The following TNFRSF9 variants were observed in gnomAD, a reference collection of about 807,000 sequenced individuals.
TNFRSF9 encodes the protein tumor necrosis factor receptor superfamily member 9.
In TNFRSF9, 16 loss-of-function variants were observed where a neutral mutation model predicts 28.8. The ratio of observed to expected loss-of-function variants is 0.55; its 90% CI spans 0.38 to 0.84. The LOEUF (loss-of-function observed/expected upper bound fraction) is 0.84. Among genes scored for constraint, TNFRSF9 ranks in the 40% least tolerant of loss-of-function variants. TNFRSF9 has a pLI of 0.00. For missense variants in TNFRSF9, 303 were observed against 315.0 expected, an observed-to-expected ratio of 0.96 and a Z score of 0.29; for synonymous variants, 131 against 117.0, an observed-to-expected ratio of 1.12 and a Z score of -0.77.
At chr1:7,937,588 A>T in intron 5 of TNFRSF9, 102 bp downstream of exon 5, 1 of 910,908 alleles carries the variant, frequency 1.1e-6, no homozygotes, top group Non-Finnish European at 1.8e-6. Flanking sequence ...CATTCTGTCT[A>T]CACTTGATGG....
At chr1:7,936,077 C>T (rs1278347499) in intron 5 of TNFRSF9, among the ~76,000 whole-genome samples, 2 of 152,176 alleles carry the variant, frequency 1.3e-5, no homozygotes, top group African/African-American at 4.8e-5. Flanking sequence ...CATGCAGACT[C>T]ACTTAACAAC....
chr1:7,940,079 C>A lies in TNFRSF9; in HGVS notation c.-84-1G>T. 1 of 928,396 alleles carries A rather than the reference C, an allele frequency of 1.1e-6. No individual in the cohort carries two copies. The highest frequency in any genetic ancestry group is 1.7e-6 in the Non-Finnish European group (1 of 594,650). The allele number at this position is 928,396 out of a possible 1,614,324, so 57.5% of individuals were successfully genotyped here. ...ATTAGCTGGTCTCACAAATGTCACT[C>A]TGCAAAAGATAAACATTTCCAAGGA... On this transcript the variant is annotated splice_acceptor_variant, in intron 1 of 7. Transcript: ENST00000377507. LOFTEE classifies it low-confidence loss of function (5UTR_SPLICE).
chr1:7,933,522 G>C (rs902833881), intron 6 of TNFRSF9, among the ~76,000 whole-genome samples: 18 of 151,674 alleles, frequency 1.2e-4, no homozygotes, highest in African/African-American at 3.9e-4. Context: ...GGATCACTTA[G>C]AGTCAGGAGT....
chr1:7,935,313 G>C (rs1382283701), intron 5 of TNFRSF9, among the ~76,000 whole-genome samples, 170 bp from the exon 6 acceptor site: 3 of 152,170 alleles, frequency 2.0e-5, no homozygotes, highest in Non-Finnish European at 4.4e-5. Context: ...TGACCATCTG[G>C]CTCCCTGCAG....
rs1639506442 is a variant in TNFRSF9, at chr1:7,918,067, T to G, written c.*2768A>C. On this transcript the variant is annotated 3_prime_UTR_variant, in exon 8 of 8. Coordinates refer to ENST00000377507, the MANE Select transcript of TNFRSF9 (RefSeq NM_001561.6). The stretch of plus-strand genomic sequence containing the variant: ...GGCACAATCTTGGCTCGCTGCAACC[T>G]CTGCCTCCTGGGTTCAAGCGATTCT... 1 of 151,966 alleles carries G rather than the reference T, an allele frequency of 6.6e-6. No individual in the cohort carries two copies. The highest frequency in any genetic ancestry group is 1.5e-5 in the Non-Finnish European group (1 of 68,080). The allele number at this position is 151,966 out of a possible 1,614,324, so 9.4% of individuals were successfully genotyped here.
Position 7,917,275 on chromosome 1 carries a change from G to A in TNFRSF9, c.*3560C>T, listed in dbSNP as rs1360568809. 1 of 152,214 alleles carries A rather than the reference G, an allele frequency of 6.6e-6. No individual in the cohort carries two copies. The highest frequency in any genetic ancestry group is 2.4e-5 in the African/African-American group (1 of 41,446). 9.4% of individuals were successfully genotyped at this position (152,214 alleles called of 1,614,324 possible). A position where few individuals can be genotyped will look rare whatever the true frequency, so the allele number is the denominator to read the frequency against. On this transcript the variant is annotated 3_prime_UTR_variant, in exon 8 of 8. Coordinates refer to ENST00000377507, the MANE Select transcript of TNFRSF9 (RefSeq NM_001561.6). ...GTAGAAAAAGAAGGTGGAGGGAGAT[G>A]TCCTACCGGATATCGAGAGCTGTTA...
chr1:7,920,673 T>G lies in TNFRSF9; in HGVS notation c.*162A>C. ...CAAAAAAAAAAAAAAAGTGGTGCAT[T>G]TTTAAAGGCCAACTCATTGGCATTT... On this transcript the variant is annotated 3_prime_UTR_variant, in exon 8 of 8. Transcript: ENST00000377507. The G allele has an allele frequency of 1.6e-6, 1 of 610,620 alleles. No individual in the cohort carries two copies. The highest frequency in any genetic ancestry group is 2.1e-5 in the South Asian group (1 of 48,466). The allele number at this position is 610,620 out of a possible 1,614,324, so 37.8% of individuals were successfully genotyped here.
At chr1:7,940,223 A>C (rs1476424223) in intron 1 of TNFRSF9, 145 bp from the exon 2 acceptor site, 1 of 383,400 alleles carries the variant, frequency 2.6e-6, no homozygotes. Flanking sequence ...GAAAAGTAGC[A>C]GATTCATAGA....
At position 7,920,897 on chromosome 1, in the gene TNFRSF9, G is replaced by A. The variant is rs1639548783; in HGVS notation, c.706C>T (p.Gln236Ter). The A allele has an allele frequency of 6.2e-7, 1 of 1,613,550 alleles. No individual in the cohort carries two copies. The highest frequency in any genetic ancestry group is 1.3e-5 in the African/African-American group (1 of 74,786). The stretch of plus-strand genomic sequence containing the variant: ...CGGCAGCTACAGCCATCTTCCTCTT[G>A]AGTAGTTTGTACTGGTCTCATAAAT... ...QPFMRPVQTT[Q>*]EEDGCSCRFP... The change falls in exon 8 of 8, where the codon CAA becomes TAA. Residue 236 changes from glutamine (Q) to a stop codon, truncating the protein, a stop_gained. Transcript: ENST00000377507. LOFTEE classifies it high-confidence loss of function.
At chr1:7,925,400 A>G (rs2151413291) in intron 7 of TNFRSF9, among the ~76,000 whole-genome samples, 1 of 152,304 alleles carries the variant, frequency 6.6e-6, no homozygotes, top group African/African-American at 2.4e-5. Flanking sequence ...AATTTAGGTT[A>G]GCTTAAGTGT....
rs558912529 is a variant in TNFRSF9, at chr1:7,930,610, C to T, written c.679+2552G>A. Among the ~76,000 whole-genome samples, 3 of 151,988 alleles carry T rather than the reference C, an allele frequency of 2.0e-5. No individual in the cohort carries two copies. In the South Asian group the frequency reaches 6.2e-4, roughly 32 times the overall value. On this transcript the variant is annotated intron_variant, in intron 7 of 7. Transcript: ENST00000377507. ...CAGTCTCTACAAAAACACTAAAAAT[C>T]AATTAAAAATTAGCTGAGTGTGGTG...
chr1:7,931,868 G>A (rs1639735652), intron 7 of TNFRSF9, among the ~76,000 whole-genome samples: 2 of 152,252 alleles, frequency 1.3e-5, no homozygotes, highest in South Asian at 2.1e-4. Flanking sequence ...TACTGGCTGA[G>A]CGCAGTGGCT....
intron 6 of TNFRSF9, among the ~76,000 whole-genome samples, chr1:7,934,439 G>A (rs747261115): frequency 2.2e-4 from 33 of 151,924 alleles, no homozygotes; most frequent in South Asian, 1.7e-3. Context: ...GGACGGGCGT[G>A]GTGGCTCACA....
At chr1:7,934,927 G>T in intron 6 of TNFRSF9, 86 bp downstream of exon 6, 1 of 1,531,586 alleles carries the variant, frequency 6.5e-7, no homozygotes, top group Admixed American at 1.8e-5. Flanking sequence ...TGCCTGATAT[G>T]AGATATCATG....
At chr1:7,936,737 C>T (rs776200410) in intron 5 of TNFRSF9, among the ~76,000 whole-genome samples, 22 of 151,920 alleles carry the variant, frequency 1.4e-4, no homozygotes, top group East Asian at 3.9e-4. Context: ...GAAAATGAAA[C>T]GGAAAAAGAA....
intron 7 of TNFRSF9, among the ~76,000 whole-genome samples, chr1:7,923,455 C>T (rs535849795): frequency 4.6e-5 from 7 of 152,174 alleles, no homozygotes; most frequent in South Asian, 4.1e-4. Flanking sequence ...CCCAAACTTC[C>T]TCCACCCCTG....
At chr1:7,936,811 C>T (rs1639822687) in intron 5 of TNFRSF9, among the ~76,000 whole-genome samples, 1 of 152,204 alleles carries the variant, frequency 6.6e-6, no homozygotes, top group Non-Finnish European at 1.5e-5. Context: ...ATTACTCTGC[C>T]AATTTGCCTT....
intron 7 of TNFRSF9, 80 bp downstream of exon 7, chr1:7,933,082 T>G: frequency 6.7e-7 from 1 of 1,503,714 alleles, no homozygotes; most frequent in South Asian, 1.3e-5. Flanking sequence ...TTTCTAGAAT[T>G]TTTTTTAAAA....
intron 7 of TNFRSF9, among the ~76,000 whole-genome samples, chr1:7,922,772 A>T (rs1639580571): frequency 6.6e-6 from 1 of 151,760 alleles, no homozygotes; most frequent in Non-Finnish European, 1.5e-5. Flanking sequence ...AGATTACACC[A>T]CTGCACTCCA....
Sources: gnomAD v4.1 joint callset for allele counts (sites outside exome capture counted in the v4.1 genomes callset) on GRCh38, gnomAD v4.1.1 for gene constraint, MANE v1.5 for transcripts, NCBI Gene and HGNC (gene_info 2026-07-23, HGNC 2026-07-21) for gene names.